TGFB1: variants seen among roughly 807,000 people sequenced by gnomAD.
The protein encoded by TGFB1 is transforming growth factor beta-1 proprotein.
Under a neutral mutation model 43.8 loss-of-function variants are expected in TGFB1, and 19 were observed. That is an observed-to-expected ratio of 0.43 (90% CI 0.30 to 0.64). The LOEUF (loss-of-function observed/expected upper bound fraction) is 0.64. Ranked by LOEUF, TGFB1 falls within the 30% of genes least tolerant of loss-of-function variation. The probability of loss-of-function intolerance (pLI) is 0.11; values close to 1 mark genes in which losing one functional copy is unlikely to be tolerated. For synonymous variants in TGFB1, 221 were observed against 236.3 expected (o/e 0.94, Z 0.60); for missense variants, 445 against 529.8 (o/e 0.84, Z 1.57).
intron 5 of TGFB1, among the ~76,000 whole-genome samples, chr19:41,337,644 A>G (rs2123089650): frequency 6.6e-6 from 1 of 152,206 alleles, no homozygotes. Context: ...ATTCAGGGTC[A>G]ACTATATATA....
At chr19:41,347,664 C>T (rs1047598018) in intron 2 of TGFB1, among the ~76,000 whole-genome samples, 2 of 151,836 alleles carry the variant, frequency 1.3e-5, no homozygotes, top group African/African-American at 4.8e-5. Context: ...TCTGTCTCTA[C>T]TAAAAATACA....
chr19:41,344,912 C>G, intron 2 of TGFB1, 48 bp from the exon 3 acceptor site: 1 of 1,488,356 alleles, frequency 6.7e-7, no homozygotes, highest in Non-Finnish European at 9.2e-7. Context: ...GATGGTGTCA[C>G]GACCCCACAT....
chr19:41,334,718 C>T (rs2037971152), intron 5 of TGFB1, among the ~76,000 whole-genome samples: 1 of 151,668 alleles, frequency 6.6e-6, no homozygotes, highest in Non-Finnish European at 1.5e-5. Flanking sequence ...CAAGTGGCAC[C>T]GGATAACCTA....
rs2037917807 is a variant in TGFB1, at chr19:41,330,568, C to A, written c.*484G>T. ...TATCTTTTATTGTCTTCTTCACTAT[C>A]CCCCACTAAAGCAGGTTCCTGGTGG... On this transcript the variant is annotated 3_prime_UTR_variant, in exon 7 of 7. Transcript: ENST00000221930. 6.5e-6 allele frequency: 1 copy of A among 154,062 alleles called. No individual in the cohort carries two copies. Among genetic ancestry groups the A allele is most frequent in the South Asian group, 1.9e-4 (1 of 5,236 alleles). 9.5% of individuals were successfully genotyped at this position (154,062 alleles called of 1,614,324 possible).
At chr19:41,347,054 G>A (rs138108014) in intron 2 of TGFB1, among the ~76,000 whole-genome samples, 6 of 151,734 alleles carry the variant, frequency 4.0e-5, no homozygotes, top group African/African-American at 1.2e-4. Flanking sequence ...AGACGGTCTC[G>A]CTCCATCACC....
At position 41,331,152 on chromosome 19, in the gene TGFB1, G is replaced by A; in HGVS notation, c.1073C>T (p.Pro358Leu). 6.4e-7 allele frequency: 1 copy of A among 1,566,614 alleles called. No homozygotes were observed. The highest frequency in any genetic ancestry group is 1.3e-5 in the African/African-American group (1 of 74,088). ...PGASAAPCCV[P>L]QALEPLPIVY... ...GATGGGCAGCGGCTCCAGCGCCTGC[G>A]GCACGCAGCACGGCGCCGCCGAGGC... is the stretch of plus-strand genomic sequence containing the variant. The change falls in exon 7 of 7, where the codon CCG (proline) becomes CTG (leucine). Residue 358 changes from proline to leucine, a missense_variant. This residue lies in a region of TGFB1 where 56 missense variants were observed against 46.9 expected (regional missense o/e 1.19). Transcript: ENST00000221930.
rs1054804939 is a variant in TGFB1, at chr19:41,348,470, T to C, written c.356-15A>G. On this transcript the variant is annotated splice_polypyrimidine_tract_variant and intron_variant, in intron 1 of 6. Transcript: ENST00000221930. ...GTCATAGATTTCTAGCAGGGAGAAA[T>C]GAAGGGAGGCGATCAGGGGTTTGGC... 1 of 1,611,424 alleles carries C rather than the reference T, an allele frequency of 6.2e-7. No individual in the cohort carries two copies. Among genetic ancestry groups the C allele is most frequent in the Non-Finnish European group, 8.5e-7 (1 of 1,178,696 alleles).
At chr19:41,348,151 C>G in intron 2 of TGFB1, 144 bp downstream of exon 2, 2 of 864,518 alleles carry the variant, frequency 2.3e-6, no homozygotes, top group Non-Finnish European at 1.8e-6. Flanking sequence ...AAAAAGCGTT[C>G]TAGGATTGTA....
At position 41,348,369 on chromosome 19, in the gene TGFB1, C is replaced by A. The variant is rs142642007; in HGVS notation, c.442G>T (p.Val148Leu). ...CGCAGCTCTGCCCGGGAGAGCAACA[C>A]GGGTTCAGGTACCGCTTCTCGGAGC... ...SELREAVPEP[V>L]LLSRAELRLL... Residue 148 changes from valine to leucine, a missense_variant, in exon 2 of 7, where the codon GTG becomes TTG. By Grantham distance (32) the Val-to-Leu change is conservative. This residue lies in a region of TGFB1 where 366 missense variants were observed against 428.8 expected (regional missense o/e 0.85). Coordinates refer to ENST00000221930, the MANE Select transcript of TGFB1 (RefSeq NM_000660.7). 6.2e-7 allele frequency: 1 copy of A among 1,613,636 alleles called. No individual in the cohort carries two copies. Among genetic ancestry groups the A allele is most frequent in the South Asian group, 1.1e-5 (1 of 91,072 alleles).
chr19:41,350,307 CTT>C (rs55873066), intron 1 of TGFB1, among the ~76,000 whole-genome samples: 18,153 of 119,662 alleles, frequency 0.15, 1,528 homozygotes, highest in East Asian at 0.3. Flanking sequence ...GTTTTCTTTT[CTT>C]TTTTTTTTTT....
intron 5 of TGFB1, among the ~76,000 whole-genome samples, chr19:41,334,315 G>A (rs772551292): frequency 4.6e-5 from 7 of 151,966 alleles, no homozygotes; most frequent in Non-Finnish European, 1.0e-4. Flanking sequence ...AGCAGAGGTT[G>A]CAGTGAGCCA....
chr19:41,350,294 G>GGT (rs200502589), intron 1 of TGFB1, among the ~76,000 whole-genome samples: 3,710 of 148,548 alleles, frequency 0.025, 63 homozygotes, highest in Admixed American at 0.042. Flanking sequence ...AAGGAATTAA[G>GGT]GTGTTTTCTT....
At chr19:41,345,386 A>G (rs1376503180) in intron 2 of TGFB1, among the ~76,000 whole-genome samples, 5 of 151,632 alleles carry the variant, frequency 3.3e-5, no homozygotes, top group Non-Finnish European at 7.4e-5. Context: ...AGTCGCCACT[A>G]TTTGGGAGGC....
intron 5 of TGFB1, 71 bp from the exon 6 acceptor site, chr19:41,332,352 C>A: frequency 6.5e-7 from 1 of 1,547,784 alleles, no homozygotes. Flanking sequence ...CCCTCCTCCC[C>A]AGGTGCGTGT....
At chr19:41,334,656 T>C (rs1487122341) in intron 5 of TGFB1, among the ~76,000 whole-genome samples, 2 of 151,848 alleles carry the variant, frequency 1.3e-5, no homozygotes, top group Non-Finnish European at 2.9e-5. Context: ...CGGGCACCTG[T>C]AATCCCAGCT....
intron 2 of TGFB1, among the ~76,000 whole-genome samples, chr19:41,345,916 T>C (rs1483674582): frequency 6.6e-6 from 1 of 150,624 alleles, no homozygotes; most frequent in African/African-American, 2.4e-5. Flanking sequence ...AAAAAAAAAG[T>C]CATTTTGTGA....
At chr19:41,344,926 C>CG in intron 2 of TGFB1, 62 bp from the exon 3 acceptor site, 1 of 1,420,486 alleles carries the variant, frequency 7.0e-7, no homozygotes, top group Non-Finnish European at 9.7e-7. Context: ...CCCACATACA[C>CG]TAACTGAATC....
chr19:41,353,222 T>C lies in TGFB1; in HGVS notation c.-178A>G. The C allele has an allele frequency of 1.4e-6, 1 of 736,400 alleles. No individual in the cohort carries two copies. Among genetic ancestry groups the C allele is most frequent in the East Asian group, 3.0e-5 (1 of 33,036 alleles). The allele number at this position is 736,400 out of a possible 1,614,324, so 45.6% of individuals were successfully genotyped here. The stretch of plus-strand genomic sequence containing the variant: ...GGAGGGGAGGCTTGGACCGGGGGTG[T>C]CTCAGTATCCCACGGAAATAACCTA... On this transcript the variant is annotated 5_prime_UTR_variant, in exon 1 of 7. Coordinates refer to ENST00000221930, the MANE Select transcript of TGFB1 (RefSeq NM_000660.7). This position sits in a 1 kb window ranked among gnomAD's most constrained non-coding sequence, Gnocchi z 5.9.
At position 41,332,277 on chromosome 19, in the gene TGFB1, T is replaced by C. The variant is rs1189582676; in HGVS notation, c.865A>G (p.Thr289Ala). 3.1e-6 allele frequency: 5 copies of C among 1,613,784 alleles called. No individual in the cohort carries two copies. In the South Asian group the frequency reaches 3.3e-5, roughly 11 times the overall value. Residue 289 changes from threonine to alanine, a missense_variant, in exon 6 of 7, where the codon ACG becomes GCG. By Grantham distance (58) the Thr-to-Ala change is moderately conservative. Transcript: ENST00000221930. ...ALDTNYCFSSTEKNCCVRQLY... is the reference protein window; with the variant it reads ...ALDTNYCFSSAEKNCCVRQLY... ...TGCCGCACGCAGCAGTTCTTCTCCG[T>C]GGAGCTGCAGGCAGGAGAGACGCGT...
Sources: gnomAD v4.1 joint callset for allele counts (sites outside exome capture counted in the v4.1 genomes callset) on GRCh38, gnomAD v4.1.1 for gene constraint, gnomAD v4.1.1 regional missense constraint, Gnocchi (gnomAD v3.1) non-coding constraint, MANE v1.5 for transcripts, NCBI Gene and HGNC (gene_info 2026-07-23, HGNC 2026-07-21) for gene names.